GRID1: variants seen among roughly 807,000 people sequenced by gnomAD.
The protein encoded by GRID1 is glutamate receptor ionotropic, delta-1.
Under a neutral mutation model 98.0 loss-of-function variants are expected in GRID1, and 28 were observed. The observed-to-expected ratio is 0.29, with a 90% CI of 0.21 to 0.39. The LOEUF is 0.39. GRID1 is among the 10% of genes least tolerant of loss of function. GRID1 has a pLI of 1.00. For synonymous variants in GRID1, 553 were observed against 538.5 expected (o/e 1.03, Z -0.37); for missense variants, 1,111 against 1,340.5 (o/e 0.83, Z 2.67).
At chr10:85,841,457 T>C (rs1842960791) in intron 8 of GRID1, among the ~76,000 whole-genome samples, 1 of 152,070 alleles carries the variant, frequency 6.6e-6, no homozygotes, top group Non-Finnish European at 1.5e-5. Context: ...CCAAAAGCAA[T>C]TGCAACAAAA....
At chr10:85,751,407 A>C (rs960054402) in intron 8 of GRID1, among the ~76,000 whole-genome samples, 4 of 152,230 alleles carry the variant, frequency 2.6e-5, no homozygotes, top group Non-Finnish European at 5.9e-5. Context: ...AGAAAGCATC[A>C]CATCCAAGAT....
chr10:85,931,998 A>C (rs1163539799), intron 4 of GRID1, among the ~76,000 whole-genome samples: 1 of 152,170 alleles, frequency 6.6e-6, no homozygotes, highest in African/African-American at 2.4e-5. Context: ...AGGTCAGAAG[A>C]AGCAGCCAAA....
intron 8 of GRID1, among the ~76,000 whole-genome samples, chr10:85,765,985 C>A (rs1487813793): frequency 6.6e-6 from 1 of 152,228 alleles, no homozygotes. Context: ...ATTTTAACTG[C>A]TGTCATGCTG....
chr10:85,915,343 C>G (rs1841599496), intron 5 of GRID1, among the ~76,000 whole-genome samples: 1 of 152,106 alleles, frequency 6.6e-6, no homozygotes, highest in Non-Finnish European at 1.5e-5. Context: ...TATACACACT[C>G]ATGCACACAC....
chr10:85,743,707 G>T (rs976293836), intron 8 of GRID1, among the ~76,000 whole-genome samples: 5 of 152,036 alleles, frequency 3.3e-5, no homozygotes, highest in Non-Finnish European at 7.4e-5. Flanking sequence ...CATGGTAAAA[G>T]CCACAATTAA....
chr10:85,746,661 C>A (rs1212341020), intron 8 of GRID1, among the ~76,000 whole-genome samples: 1 of 152,076 alleles, frequency 6.6e-6, no homozygotes, highest in Non-Finnish European at 1.5e-5. Context: ...AAGATAGTTC[C>A]AGATGATCTC....
rs1011690034 is a variant in GRID1, at chr10:85,980,387, G to C, written c.727-64148C>G. Among the ~76,000 whole-genome samples the C allele has an allele frequency of 5.9e-5, 9 of 152,344 alleles. 1 individual carries two copies. The highest frequency in any genetic ancestry group is 2.2e-4 in the African/African-American group (9 of 41,580). ...GCCTTATCCTGCAGTAGGAGTTTTA[G>C]ATACAAGGAAACTTATGTTTCCATA... On this transcript the variant is annotated intron_variant, in intron 4 of 15. Coordinates refer to ENST00000327946, the MANE Select transcript of GRID1 (RefSeq NM_017551.3).
At chr10:85,613,703 G>A (rs1245436064) in intron 14 of GRID1, 56 bp from the exon 15 acceptor site, 18 of 1,572,564 alleles carry the variant, frequency 1.1e-5, no homozygotes, top group South Asian at 4.7e-5. Flanking sequence ...CTCAGCCACC[G>A]GGGCCCTGGC....
intron 8 of GRID1, among the ~76,000 whole-genome samples, chr10:85,747,970 A>C (rs1842012802): frequency 6.6e-6 from 1 of 152,212 alleles, no homozygotes; most frequent in Non-Finnish European, 1.5e-5. Context: ...TTTCTACAAC[A>C]GTTAAAAGAG....
chr10:85,723,194 T>A, intron 11 of GRID1, 53 bp from the exon 12 acceptor site: 1 of 1,537,044 alleles, frequency 6.5e-7, no homozygotes, highest in African/African-American at 1.4e-5. Context: ...CTCCCTCCTA[T>A]CCCCAGGGAG....
Position 85,602,599 on chromosome 10 carries a change from C to T in GRID1, c.2704G>A (p.Ala902Thr). ...QISPASIELS[A>T]LEMGGLAPTQ... ...GGAGCCAGGCCCCCCATCTCCAGGG[C>T]CGAGAGCTCAATCGACGCTGGGGAA... Residue 902 changes from alanine (A) to threonine (T), a missense_variant, in exon 16 of 16, where the codon GCC becomes ACC. Physicochemically the swap from Ala to Thr is moderately conservative, Grantham distance 58. Around this residue, in one of 3 missense-constraint regions of GRID1, gnomAD observed 762 missense variants for 869.1 expected, o/e 0.88. Transcript: ENST00000327946. The T allele has an allele frequency of 3.1e-6, 5 of 1,614,074 alleles. No homozygotes were observed. The highest frequency in any genetic ancestry group is 4.2e-6 in the Non-Finnish European group (5 of 1,179,996).
intron 4 of GRID1, among the ~76,000 whole-genome samples, chr10:85,986,109 C>T (rs10509525): frequency 0.33 from 50,464 of 152,172 alleles, 9,177 homozygotes; most frequent in South Asian, 0.5. Flanking sequence ...CTAAGCACAA[C>T]GAGGAGGGAA....
At chr10:85,764,507 C>A (rs556749064) in intron 8 of GRID1, among the ~76,000 whole-genome samples, 2 of 152,188 alleles carry the variant, frequency 1.3e-5, no homozygotes, top group African/African-American at 4.8e-5. Flanking sequence ...TGGGGAAAGT[C>A]AGCCACCTGG....
At chr10:85,933,303 A>C (rs985079950) in intron 4 of GRID1, among the ~76,000 whole-genome samples, 5 of 102,866 alleles carry the variant, frequency 4.9e-5, no homozygotes, top group African/African-American at 9.4e-5. Context: ...AAAAAAAAAA[A>C]AAAAAAAAAC....
At chr10:86,141,401 G>C (rs1022550538) in intron 3 of GRID1, among the ~76,000 whole-genome samples, 3 of 152,138 alleles carry the variant, frequency 2.0e-5, no homozygotes, top group African/African-American at 7.2e-5. Context: ...TGCAGAGATG[G>C]CTCAGGAGCC....
intron 2 of GRID1, among the ~76,000 whole-genome samples, chr10:86,303,939 C>T (rs1276889141): frequency 1.3e-5 from 2 of 152,242 alleles, no homozygotes; most frequent in Non-Finnish European, 2.9e-5. Context: ...TAAAGACACA[C>T]CAGTTTTCCC....
At chr10:85,697,113 C>G (rs983162757) in intron 12 of GRID1, among the ~76,000 whole-genome samples, 3 of 152,022 alleles carry the variant, frequency 2.0e-5, no homozygotes, top group East Asian at 3.8e-4. Flanking sequence ...TGGGGTATAG[C>G]GTTCCATAAA....
At chr10:86,103,733 T>C (rs1844336255) in intron 4 of GRID1, among the ~76,000 whole-genome samples, 1 of 152,184 alleles carries the variant, frequency 6.6e-6, no homozygotes, top group South Asian at 2.1e-4. Flanking sequence ...GGTGTGTGCC[T>C]TGTACCTCAA....
At chr10:85,731,371 G>T (rs1841819674) in intron 8 of GRID1, among the ~76,000 whole-genome samples, 2 of 151,464 alleles carry the variant, frequency 1.3e-5, no homozygotes, top group Non-Finnish European at 2.9e-5. Flanking sequence ...TAATTTGGGG[G>T]CATTGAGATA....
Sources: allele counts gnomAD v4.1 joint callset (sites outside exome capture counted in the v4.1 genomes callset), GRCh38; gene constraint gnomAD v4.1.1; regional missense constraint gnomAD v4.1.1; transcripts MANE v1.5; gene names NCBI Gene and HGNC (gene_info 2026-07-23, HGNC 2026-07-21).